Variants in STEAP1B observed in about 807,000 individuals in gnomAD.
STEAP1B encodes the protein STEAP family member 1B.
Under a neutral mutation model 27.9 loss-of-function variants are expected in STEAP1B, and 13 were observed. The ratio of observed to expected loss-of-function variants is 0.47; its 90% confidence interval spans 0.30 to 0.74. The LOEUF is 0.74. STEAP1B is among the 30% of genes least tolerant of loss of function. STEAP1B has a pLI of 0.06. For missense variants in STEAP1B, 250 were observed against 298.7 expected (o/e 0.84, Z 1.20); for synonymous variants, 86 against 107.1 (o/e 0.80, Z 1.22).
At chr7:22,499,521 T>A (rs1244802505) in intron 1 of STEAP1B, among the ~76,000 whole-genome samples, 1 of 152,102 alleles carries the variant, frequency 6.6e-6, no homozygotes, top group Non-Finnish European at 1.5e-5. Flanking sequence ...AAGTAAGAAA[T>A]TTGGAAGTGT....
chr7:22,419,554 C>T lies in STEAP1B; in HGVS notation c.*250G>A, dbSNP rs1344507672. On this transcript the variant is annotated 3_prime_UTR_variant, in exon 5 of 5. Coordinates refer to ENST00000678116, the MANE Select transcript of STEAP1B (RefSeq NM_001382447.1). ...TGTCGGGATAGGCTAGGTTAGGCTC[C>T]GTAACAACCAACACAATCTCAGTGG... 2.1e-5 allele frequency: 7 copies of T among 329,382 alleles called. No homozygotes were observed. Among genetic ancestry groups the T allele is most frequent in the Non-Finnish European group, 3.3e-5 (6 of 180,366 alleles). The allele number at this position is 329,382 out of a possible 1,614,324, so 20.4% of individuals were successfully genotyped here.
At position 22,424,706 on chromosome 7, in the gene STEAP1B, G is replaced by T. The variant is rs147992462; in HGVS notation, c.763-4870C>A. Reference sequence around the variant, plus strand: ...GTGTACAGAGATGTTCAATTGAGGAGTATTTATAATAATAAATAATAGGGA... The same window carrying T: ...GTGTACAGAGATGTTCAATTGAGGATTATTTATAATAATAAATAATAGGGA... On this transcript the variant is annotated intron_variant, in intron 4 of 4. Transcript: ENST00000678116. Among the ~76,000 whole-genome samples the T allele has an allele frequency of 1.1e-4, 17 of 152,198 alleles. No individual in the cohort carries two copies. In the East Asian group the frequency reaches 3.1e-3, roughly 28 times the overall value.
intron 4 of STEAP1B, among the ~76,000 whole-genome samples, chr7:22,458,038 T>A (rs1785616702): frequency 6.6e-6 from 1 of 152,206 alleles, no homozygotes; most frequent in Admixed American, 6.5e-5. Flanking sequence ...GATGAGCCAT[T>A]CCAATAAGTT....
rs73683425 is a variant in STEAP1B at position 22,431,431 on chromosome 7, T to C, written c.763-11595A>G. On this transcript the variant is annotated intron_variant, in intron 4 of 4. Transcript: ENST00000678116. ...TCTGGAAAGAGTTTCTCTTGATTCATTGGTCTGAATTGGGTTGTGTGTTCT... is the reference window on the plus strand; with the variant it reads ...TCTGGAAAGAGTTTCTCTTGATTCACTGGTCTGAATTGGGTTGTGTGTTCT... 4.9e-3 allele frequency among the ~76,000 whole-genome samples: 753 copies of C among 152,344 alleles called. 9 individuals are homozygous for C. The highest frequency in any genetic ancestry group is 0.017 in the African/African-American group (713 of 41,584).
At chr7:22,459,032 G>A (rs986227443) in intron 4 of STEAP1B, among the ~76,000 whole-genome samples, 1 of 152,118 alleles carries the variant, frequency 6.6e-6, no homozygotes, top group Admixed American at 6.5e-5. Flanking sequence ...ATAAAGAAGA[G>A]AAAACCTCCA....
chr7:22,461,934 T>A (rs1391851060), intron 4 of STEAP1B, among the ~76,000 whole-genome samples: 2 of 152,224 alleles, frequency 1.3e-5, no homozygotes, highest in Non-Finnish European at 2.9e-5. Context: ...AGTGAGATCA[T>A]CTGTGCAAAG....
At chr7:22,471,546 G>C (rs1006319163) in intron 4 of STEAP1B, among the ~76,000 whole-genome samples, 1 of 152,138 alleles carries the variant, frequency 6.6e-6, no homozygotes, top group Non-Finnish European at 1.5e-5. Flanking sequence ...GATACTGTAC[G>C]AGAAATAGAC....
intron 4 of STEAP1B, among the ~76,000 whole-genome samples, chr7:22,420,259 A>C (rs556295753): frequency 1.3e-5 from 2 of 152,210 alleles, no homozygotes; most frequent in Non-Finnish European, 1.5e-5. Flanking sequence ...AGTAAAAGAA[A>C]GTGTGTAAAA....
chr7:22,492,791 C>G, intron 3 of STEAP1B, 62 bp from the exon 4 acceptor site: 1 of 1,546,394 alleles, frequency 6.5e-7, no homozygotes. Context: ...GAATGTGAAT[C>G]TCCTTCTACA....
In STEAP1B at chr7:22,464,670, G is replaced by A. The variant is rs187863116; in HGVS notation, c.762+27895C>T. Among the ~76,000 whole-genome samples, 6 of 151,938 alleles carry A rather than the reference G, an allele frequency of 3.9e-5. No homozygotes were observed. The East Asian group carries it at 1.2e-3, about 29-fold the overall frequency. Reference sequence around the variant, plus strand: ...AATTTGGACACAAAGAGACACATCAGAGATGCACGCACACAGAAAAAACCC... The same window carrying A: ...AATTTGGACACAAAGAGACACATCAAAGATGCACGCACACAGAAAAAACCC... On this transcript the variant is annotated intron_variant, in intron 4 of 4. Coordinates refer to ENST00000678116, the MANE Select transcript of STEAP1B (RefSeq NM_001382447.1).
chr7:22,484,920 A>G (rs1009691048), intron 4 of STEAP1B, among the ~76,000 whole-genome samples: 2 of 152,218 alleles, frequency 1.3e-5, no homozygotes, highest in South Asian at 2.1e-4. Flanking sequence ...GCAGCAAGAG[A>G]ACTGGAATTC....
intron 4 of STEAP1B, among the ~76,000 whole-genome samples, chr7:22,471,009 G>A (rs773868273): frequency 1.3e-5 from 2 of 152,102 alleles, no homozygotes; most frequent in South Asian, 2.1e-4. Context: ...ACCAATAAAC[G>A]ATTTCCCTGG....
At chr7:22,441,300 C>G (rs991004619) in intron 4 of STEAP1B, among the ~76,000 whole-genome samples, 1 of 152,126 alleles carries the variant, frequency 6.6e-6, no homozygotes, top group African/African-American at 2.4e-5. Flanking sequence ...TCATTCTTTC[C>G]CACCCTATTG....
At chr7:22,468,308 G>A (rs548329047) in intron 4 of STEAP1B, among the ~76,000 whole-genome samples, 16 of 152,114 alleles carry the variant, frequency 1.1e-4, no homozygotes, top group African/African-American at 3.9e-4. Context: ...AAACGAATAA[G>A]GGAGGTACTA....
chr7:22,498,389 T>G lies in STEAP1B; in HGVS notation c.-32+1725A>C, dbSNP rs1356476178. On this transcript the variant is annotated intron_variant, in intron 1 of 4. Coordinates refer to ENST00000678116, the MANE Select transcript of STEAP1B (RefSeq NM_001382447.1). The stretch of plus-strand genomic sequence containing the variant: ...ACCATATCACCAACTTAATAGTTTG[T>G]GGGGTGGGGGAGGGAGGTGCTAGGA... Among the ~76,000 whole-genome samples the G allele has an allele frequency of 5.9e-5, 9 of 151,838 alleles. No individual in the cohort carries two copies. The East Asian group carries it at 1.7e-3, about 29-fold the overall frequency.
chr7:22,456,972 A>ATATATATATTTTTTTTTTTTTTTTTTT, intron 4 of STEAP1B, among the ~76,000 whole-genome samples: 5 of 57,042 alleles, frequency 8.8e-5, no homozygotes, highest in African/African-American at 1.4e-4. Context: ...ATATATATAT[A>ATATATATATTTTTTTTTTTTTTTTTTT]TTTTTTTTTT....
rs187205445 is a variant in STEAP1B, at chr7:22,490,418, A to T, written c.762+2147T>A. ...TTAGTCCTGTCTCTTGTGGGACTCT[A>T]CTAAATGGTCCATGTTTACTAAATG... On this transcript the variant is annotated intron_variant, in intron 4 of 4. Transcript: ENST00000678116. Among the ~76,000 whole-genome samples, 296 of 152,216 alleles carry T rather than the reference A, an allele frequency of 1.9e-3. 2 individuals carry two copies. Among genetic ancestry groups the T allele is most frequent in the South Asian group, 0.016 (75 of 4,818 alleles).
At chr7:22,490,728 G>C (rs1217802432) in intron 4 of STEAP1B, among the ~76,000 whole-genome samples, 1 of 152,184 alleles carries the variant, frequency 6.6e-6, no homozygotes, top group African/African-American at 2.4e-5. Flanking sequence ...CTACCTGAGA[G>C]TGTTCCCGTT....
chr7:22,458,283 AC>A (rs1307978630), intron 4 of STEAP1B, among the ~76,000 whole-genome samples: 2 of 152,212 alleles, frequency 1.3e-5, no homozygotes, highest in Non-Finnish European at 1.5e-5. Flanking sequence ...TAGTTAGTGT[AC>A]TAAAGTGCAA....
Sources: gnomAD v4.1 joint callset for allele counts (sites outside exome capture counted in the v4.1 genomes callset) on GRCh38, gnomAD v4.1.1 for gene constraint, MANE v1.5 for transcripts, NCBI Gene and HGNC (gene_info 2026-07-23, HGNC 2026-07-21) for gene names.